Variants in SRRM3 observed in about 807,000 individuals in gnomAD.
The protein encoded by SRRM3 is serine/arginine repetitive matrix 3.
Under a neutral mutation model 66.2 loss-of-function variants are expected in SRRM3, and 27 were observed. That is an observed-to-expected ratio of 0.41 (90% CI 0.30 to 0.56). SRRM3 has a LOEUF of 0.56. SRRM3 is among the 20% of genes least tolerant of loss of function. The pLI is 0.32. For missense variants in SRRM3, 918 were observed against 991.9 expected (o/e 0.93, Z 1.00); for synonymous variants, 391 against 414.9 (o/e 0.94, Z 0.70).
chr7:76,285,973 C>A lies in SRRM3; in HGVS notation c.*130C>A. 2.0e-6 allele frequency: 2 copies of A among 1,008,986 alleles called. No homozygotes were observed. The highest frequency in any genetic ancestry group is 1.4e-6 in the Non-Finnish European group (1 of 695,170). 62.5% of individuals were successfully genotyped at this position (1,008,986 alleles called of 1,614,324 possible). A position where few individuals can be genotyped will look rare whatever the true frequency, so the allele number is the denominator to read the frequency against. ...ACAAAGAGGTCTCAGGGCCAGTGCA[C>A]GGGCAGATGGGACCGGGGAAGACTT... On this transcript the variant is annotated 3_prime_UTR_variant, in exon 15 of 15. Coordinates refer to ENST00000611745, the MANE Select transcript of SRRM3 (RefSeq NM_001110199.3). The surrounding 1 kb of genome is among the most constrained non-coding windows in gnomAD (Gnocchi z 4.1).
At chr7:76,221,380 T>TTTTTTTTTTTTG in intron 1 of SRRM3, among the ~76,000 whole-genome samples, 1 of 132,682 alleles carries the variant, frequency 7.5e-6, no homozygotes, top group Non-Finnish European at 1.6e-5. Context: ...TTTTTTTTTT[T>TTTTTTTTTTTTG]GAGACGGAGT....
At chr7:76,284,481 T>C (rs1479469695) in intron 14 of SRRM3, among the ~76,000 whole-genome samples, 7 of 152,038 alleles carry the variant, frequency 4.6e-5, no homozygotes, top group African/African-American at 9.7e-5. Context: ...CCCGACCAAA[T>C]TGTCCTACTT....
chr7:76,268,585 T>C (rs1802131531), intron 11 of SRRM3: 1 of 152,220 alleles, frequency 6.6e-6, no homozygotes, highest in Non-Finnish European at 1.5e-5. Flanking sequence ...CTCCCTTTCT[T>C]TTCTCAAACA....
chr7:76,285,321 C>T lies in SRRM3; in HGVS notation c.1734-294C>T. The stretch of plus-strand genomic sequence containing the variant: ...TCAAGTGATCCGCCCGCCTCAGCCT[C>T]CCAAAGTGCTGGGATTACAGGCGTG... On this transcript the variant is annotated intron_variant, in intron 14 of 14. Coordinates refer to ENST00000611745, the MANE Select transcript of SRRM3 (RefSeq NM_001110199.3). This position sits in a 1 kb window ranked among gnomAD's most constrained non-coding sequence, Gnocchi z 4.1. 2.6e-6 allele frequency: 1 copy of T among 390,806 alleles called. No individual in the cohort carries two copies. The highest frequency in any genetic ancestry group is 4.7e-6 in the Non-Finnish European group (1 of 213,778). 24.2% of individuals were successfully genotyped at this position (390,806 alleles called of 1,614,324 possible). A position where few individuals can be genotyped will look rare whatever the true frequency, so the allele number is the denominator to read the frequency against.
At chr7:76,237,293 G>T (rs1170628160) in intron 2 of SRRM3, among the ~76,000 whole-genome samples, 1 of 152,236 alleles carries the variant, frequency 6.6e-6, no homozygotes, top group Non-Finnish European at 1.5e-5. Context: ...TCTAGTCCCA[G>T]CTGCTCAGGA....
intron 12 of SRRM3, 43 bp downstream of exon 12, chr7:76,281,845 G>A (rs1554611961): frequency 9.7e-6 from 6 of 617,016 alleles, no homozygotes; most frequent in Non-Finnish European, 9.4e-6. Flanking sequence ...CCCCCACCCC[G>A]CACAGGGCTC....
chr7:76,283,496 G>A (rs1435636396), intron 14 of SRRM3: 2 of 448,234 alleles, frequency 4.5e-6, no homozygotes, highest in Non-Finnish European at 8.8e-6. Flanking sequence ...TCCGGACAAT[G>A]ATGTCTCCTT....
chr7:76,226,692 G>A (rs1286540252), intron 1 of SRRM3, among the ~76,000 whole-genome samples: 3 of 152,200 alleles, frequency 2.0e-5, no homozygotes, highest in Admixed American at 6.6e-5. Context: ...CTGAGTTCAA[G>A]CAATTCTTCT....
At chr7:76,239,847 T>C (rs1264503880) in intron 2 of SRRM3, among the ~76,000 whole-genome samples, 21 of 151,936 alleles carry the variant, frequency 1.4e-4, no homozygotes, top group Non-Finnish European at 2.9e-4. Flanking sequence ...CTGGGCAACA[T>C]AGGGAGACCC....
intron 3 of SRRM3, among the ~76,000 whole-genome samples, chr7:76,258,783 G>C (rs1420002993): frequency 6.6e-6 from 1 of 150,914 alleles, no homozygotes; most frequent in Middle Eastern, 3.2e-3. Context: ...TTCGCCGTGC[G>C]CGGTGGCTCA....
intron 8 of SRRM3, among the ~76,000 whole-genome samples, chr7:76,264,216 G>A (rs1410993681): frequency 1.4e-5 from 2 of 146,874 alleles, no homozygotes; most frequent in Admixed American, 1.4e-4. Context: ...TGCCCAGGCT[G>A]GAGTGCAAAG....
At chr7:76,271,085 T>C (rs1486088824) in intron 11 of SRRM3, among the ~76,000 whole-genome samples, 1 of 152,128 alleles carries the variant, frequency 6.6e-6, no homozygotes, top group Non-Finnish European at 1.5e-5. Context: ...CACAGGACTT[T>C]CTGGGTTCTG....
At chr7:76,211,900 C>T (rs576028970) in intron 1 of SRRM3, among the ~76,000 whole-genome samples, 9 of 149,502 alleles carry the variant, frequency 6.0e-5, no homozygotes, top group Admixed American at 1.3e-4. Context: ...AGTGCAGTGG[C>T]GCAATCACGG....
intron 2 of SRRM3, among the ~76,000 whole-genome samples, chr7:76,240,887 G>C (rs532851112): frequency 6.6e-6 from 1 of 151,666 alleles, no homozygotes. Flanking sequence ...AGCCCTTGAC[G>C]TTGTTTTTTT....
In SRRM3 at chr7:76,217,111, C is replaced by T. The variant is rs782736660; in HGVS notation, c.-40+15044C>T. Reference sequence around the variant, plus strand: ...ACACCCTTCCTGCTGATAGCTCTGGCCTGGGTAGGGGTAGGGTAGGGGTAC... The same window carrying T: ...ACACCCTTCCTGCTGATAGCTCTGGTCTGGGTAGGGGTAGGGTAGGGGTAC... On this transcript the variant is annotated intron_variant, in intron 1 of 14. Transcript: ENST00000611745. Among the ~76,000 whole-genome samples the T allele has an allele frequency of 1.3e-3, 191 of 152,244 alleles. 1 individual carries two copies. Among genetic ancestry groups the T allele is most frequent in the Non-Finnish European group, 2.4e-3 (166 of 68,010 alleles).
intron 11 of SRRM3, among the ~76,000 whole-genome samples, chr7:76,280,853 A>AT (rs1802479298): frequency 7.1e-6 from 1 of 140,168 alleles, no homozygotes; most frequent in East Asian, 2.3e-4. Flanking sequence ...GCCTGTCTGG[A>AT]TTTTTTCTGT....
chr7:76,229,574 A>G (rs1484882168), intron 1 of SRRM3, among the ~76,000 whole-genome samples: 1 of 152,118 alleles, frequency 6.6e-6, no homozygotes, highest in East Asian at 1.9e-4. Flanking sequence ...TTTGGCATCC[A>G]CATTGTGATA....
At chr7:76,280,140 AAAGAAAAG>A (rs1327041079) in intron 11 of SRRM3, among the ~76,000 whole-genome samples, 1 of 150,650 alleles carries the variant, frequency 6.6e-6, no homozygotes, top group Non-Finnish European at 1.5e-5. Flanking sequence ...AGAAAAAGAA[AAAGAAAAG>A]AGAGAAACAG....
chr7:76,272,812 G>A (rs1394955931), intron 11 of SRRM3, among the ~76,000 whole-genome samples: 2 of 152,082 alleles, frequency 1.3e-5, no homozygotes, highest in African/African-American at 2.4e-5. Flanking sequence ...GGGCAGCCTC[G>A]GGTGACCCCC....
Sources: allele counts gnomAD v4.1 joint callset (sites outside exome capture counted in the v4.1 genomes callset), GRCh38; gene constraint gnomAD v4.1.1; non-coding constraint Gnocchi (gnomAD v3.1); transcripts MANE v1.5; gene names NCBI Gene and HGNC (gene_info 2026-07-23, HGNC 2026-07-21).